TRPM1: variants seen among roughly 807,000 people sequenced by gnomAD.
TRPM1 encodes the protein TRPM1-203 APA Isoform, Intron 10.
TRPM1 carries 113 observed loss-of-function variants against 149.4 expected under a neutral mutation model. The observed-to-expected ratio is 0.76, with a 90% confidence interval of 0.65 to 0.88. TRPM1 has a LOEUF of 0.88. Among genes scored for constraint, TRPM1 ranks in the 40% least tolerant of loss-of-function variants. The pLI is 0.00. For synonymous variants in TRPM1, 741 were observed against 759.5 expected (o/e 0.98, Z 0.40); for missense variants, 1,976 against 2,038.7 (o/e 0.97, Z 0.59).
At chr15:31,056,527 CTT>C (rs2034091621) in intron 11 of TRPM1, among the ~76,000 whole-genome samples, 1 of 152,140 alleles carries the variant, frequency 6.6e-6, no homozygotes, top group Non-Finnish European at 1.5e-5. Flanking sequence ...GTGAGGCAGA[CTT>C]TTTTCAGACA....
intron 24 of TRPM1, 37 bp from the exon 25 acceptor site, chr15:31,028,513 A>G (rs774552488): frequency 1.9e-6 from 3 of 1,608,006 alleles, no homozygotes; most frequent in African/African-American, 1.3e-5. Context: ...TGCTTTTTAC[A>G]TATAATGAAA....
At chr15:31,151,206 C>A (rs986453365) in intron 1 of TRPM1, among the ~76,000 whole-genome samples, 3 of 152,140 alleles carry the variant, frequency 2.0e-5, no homozygotes, top group Non-Finnish European at 2.9e-5. Flanking sequence ...TGAGAGACTG[C>A]GACATTGTGG....
intron 1 of TRPM1, among the ~76,000 whole-genome samples, chr15:31,113,457 G>C (rs2338859): frequency 6.6e-6 from 1 of 150,992 alleles, no homozygotes; most frequent in Non-Finnish European, 1.5e-5. Flanking sequence ...AAATCTCTAA[G>C]GTATAGAGAT....
chr15:31,002,240 T>C lies in TRPM1; in HGVS notation c.4460A>G (p.Gln1487Arg), dbSNP rs758390259. ...TTGGCATTGCCATTCCGTCGTCAAT[T>C]GCTGGTCCGTGATTGAACTGTACTC... ...DVEYSSITDQ[Q>R]LTTEWQCQVQ... The change falls in exon 28 of 28, where the codon CAA becomes CGA. Residue 1487 changes from glutamine (Q) to arginine (R), a missense_variant. Physicochemically the swap from Gln to Arg is conservative, Grantham distance 43 (BLOSUM62 1). Transcript: ENST00000256552. 16 of 1,614,252 alleles carry C rather than the reference T, an allele frequency of 9.9e-6. No individual in the cohort carries two copies. Among genetic ancestry groups the C allele is most frequent in the Non-Finnish European group, 1.3e-5 (15 of 1,180,046 alleles).
intron 11 of TRPM1, among the ~76,000 whole-genome samples, chr15:31,051,818 G>A (rs956467672): frequency 2.6e-5 from 4 of 152,140 alleles, no homozygotes; most frequent in Admixed American, 2.6e-4. Flanking sequence ...AAGACATGCA[G>A]CTCCTTATGT....
intron 1 of TRPM1, among the ~76,000 whole-genome samples, chr15:31,083,872 G>T (rs1173175591): frequency 2.0e-5 from 3 of 152,146 alleles, no homozygotes; most frequent in Admixed American, 6.5e-5. Flanking sequence ...GCAAAATGAG[G>T]ACAATGATAC....
chr15:31,022,684 A>G (rs538205388), intron 27 of TRPM1, among the ~76,000 whole-genome samples: 2 of 152,266 alleles, frequency 1.3e-5, no homozygotes, highest in South Asian at 2.1e-4. Flanking sequence ...TTCCTTTTTG[A>G]TATTCCATGA....
At chr15:31,045,012 G>T (rs7174338) in intron 16 of TRPM1, among the ~76,000 whole-genome samples, 2 of 151,944 alleles carry the variant, frequency 1.3e-5, no homozygotes, top group Admixed American at 6.6e-5. Context: ...ATTATGAAAT[G>T]CACACTTCTA....
At chr15:31,144,624 G>A (rs550161091) in intron 1 of TRPM1, among the ~76,000 whole-genome samples, 1 of 151,972 alleles carries the variant, frequency 6.6e-6, no homozygotes, top group Non-Finnish European at 1.5e-5. Flanking sequence ...TGGTATAAAT[G>A]GGGGTGACTA....
chr15:31,160,923 T>C, exon 1 of TRPM1: 1 of 1,535,508 alleles, frequency 6.5e-7, no homozygotes. Flanking sequence ...GACCCTGATG[T>C]GGAGCTCTTG....
At chr15:31,032,624 G>A (rs2033141202) in intron 22 of TRPM1, 65 bp downstream of exon 22, 2 of 1,597,402 alleles carry the variant, frequency 1.3e-6, no homozygotes, top group Non-Finnish European at 1.7e-6. Context: ...CATGCCCAAG[G>A]CCTGTTCTTA....
chr15:31,113,559 T>C (rs866080393), intron 1 of TRPM1, among the ~76,000 whole-genome samples: 22 of 152,320 alleles, frequency 1.4e-4, no homozygotes, highest in Middle Eastern at 3.4e-3. Flanking sequence ...AAATGTTTTT[T>C]TTTAACTTTA....
intron 11 of TRPM1, among the ~76,000 whole-genome samples, chr15:31,054,664 T>C (rs1332458958): frequency 6.6e-6 from 1 of 152,202 alleles, no homozygotes; most frequent in Non-Finnish European, 1.5e-5. Flanking sequence ...AATTAATTAT[T>C]TTAATTAGCA....
chr15:31,056,844 C>T (rs60338503), intron 11 of TRPM1, among the ~76,000 whole-genome samples: 35 of 152,328 alleles, frequency 2.3e-4, no homozygotes, highest in African/African-American at 8.2e-4. Context: ...TGATCTTGGA[C>T]TTTCCAGTTT....
intron 1 of TRPM1, among the ~76,000 whole-genome samples, chr15:31,153,738 A>G (rs2036332894): frequency 6.6e-6 from 1 of 152,186 alleles, no homozygotes; most frequent in East Asian, 1.9e-4. Flanking sequence ...CTGCTTTTCC[A>G]GGCTGAGCCA....
chr15:31,069,606 G>C (rs572851434), intron 4 of TRPM1: 53 of 1,281,166 alleles, frequency 4.1e-5, no homozygotes, highest in Non-Finnish European at 5.1e-5. Flanking sequence ...GGTCCTTCTC[G>C]GGCCAGCTGA....
At chr15:31,065,851 T>C (rs978796751) in intron 7 of TRPM1, among the ~76,000 whole-genome samples, 3 of 152,192 alleles carry the variant, frequency 2.0e-5, no homozygotes, top group African/African-American at 7.2e-5. Context: ...CTGAGGGTTA[T>C]TTCGTGCTAA....
chr15:31,088,857 G>C (rs573254127), intron 1 of TRPM1, among the ~76,000 whole-genome samples: 1 of 100,196 alleles, frequency 1.0e-5, no homozygotes, highest in African/African-American at 3.7e-5. Context: ...AAGCCCTGCT[G>C]CGGGTATTGA....
rs1192749863 is a variant in TRPM1, at chr15:31,028,414, C to T, written c.3211G>A (p.Ala1071Thr). Residue 1071 changes from alanine to threonine, a missense_variant, in exon 25 of 28, where the codon GCC becomes ACC. By Grantham distance (58) the Ala-to-Thr change is moderately conservative. Transcript: ENST00000256552. ...GCCATGAGTGCTGGAGTGAGCCAGGCGCCGGGGATACAGGGAGGAAGCCGC... is the reference window on the plus strand; with the variant it reads ...GCCATGAGTGCTGGAGTGAGCCAGGTGCCGGGGATACAGGGAGGAAGCCGC... ...GKRLPPCIPG[A>T]WLTPALMACY... 1.8e-5 allele frequency: 29 copies of T among 1,613,930 alleles called. No individual in the cohort carries two copies. The highest frequency in any genetic ancestry group is 2.3e-5 in the Non-Finnish European group (27 of 1,180,028).
Sources: gnomAD v4.1 joint callset for allele counts (sites outside exome capture counted in the v4.1 genomes callset) on GRCh38, gnomAD v4.1.1 for gene constraint, MANE v1.5 for transcripts, NCBI Gene and HGNC (gene_info 2026-07-23, HGNC 2026-07-21) for gene names.